SOX6: variants seen among roughly 807,000 people sequenced by gnomAD.
SOX6 encodes the protein SRY-box transcription factor 6, also known as transcription factor SOX-6.
Under a neutral mutation model 97.8 loss-of-function variants are expected in SOX6, and 11 were observed. The observed-to-expected ratio is 0.11, with a 90% confidence interval of 0.07 to 0.19. The LOEUF (loss-of-function observed/expected upper bound fraction) is 0.19, where lower values mean the gene tolerates loss of function less well. Among genes scored for constraint, SOX6 ranks in the 10% least tolerant of loss-of-function variants. The probability of loss-of-function intolerance (pLI) is 1.00; values close to 1 mark genes in which losing one functional copy is unlikely to be tolerated. For synonymous variants in SOX6, 360 were observed against 371.4 expected (o/e 0.97, Z 0.35); for missense variants, 810 against 1,039.5 (o/e 0.78, Z 3.04).
chr11:16,729,234 C>T (rs1848330570), intron 2 of SOX6, among the ~76,000 whole-genome samples: 1 of 152,200 alleles, frequency 6.6e-6, no homozygotes, highest in Admixed American at 6.5e-5. Context: ...GAGAACACCA[C>T]AAAGATACTC....
At chr11:16,317,505 T>C (rs899475145) in intron 3 of SOX6, 2 of 152,188 alleles carry the variant, frequency 1.3e-5, no homozygotes, top group African/African-American at 4.9e-5. Context: ...CATCAAAAAA[T>C]ATATACATTT....
At chr11:16,688,452 A>T (rs1285774421) in intron 3 of SOX6, among the ~76,000 whole-genome samples, 3 of 151,544 alleles carry the variant, frequency 2.0e-5, no homozygotes, top group African/African-American at 7.3e-5. Flanking sequence ...TTCTCTGTTC[A>T]TTTTTTTCTG....
At chr11:16,424,797 G>C (rs1224141379) in intron 1 of SOX6, among the ~76,000 whole-genome samples, 2 of 152,198 alleles carry the variant, frequency 1.3e-5, no homozygotes, top group Admixed American at 6.5e-5. Context: ...GAGATATTTT[G>C]TGTGTCCCAC....
chr11:16,128,165 A>T (rs1849653648), intron 6 of SOX6, among the ~76,000 whole-genome samples: 1 of 152,206 alleles, frequency 6.6e-6, no homozygotes, highest in Non-Finnish European at 1.5e-5. Context: ...ATACTATACA[A>T]ATCTAGCATT....
At chr11:16,718,075 C>G (rs1186098460) in intron 2 of SOX6, among the ~76,000 whole-genome samples, 1 of 151,344 alleles carries the variant, frequency 6.6e-6, no homozygotes, top group Non-Finnish European at 1.5e-5. Context: ...ACATTTGTAG[C>G]CTTTATTTCT....
intron 4 of SOX6, among the ~76,000 whole-genome samples, chr11:16,197,006 G>C (rs1333649123): frequency 1.3e-5 from 2 of 151,632 alleles, no homozygotes; most frequent in African/African-American, 4.8e-5. Context: ...GCTAATTTTT[G>C]TATATTTAGT....
intron 2 of SOX6, among the ~76,000 whole-genome samples, chr11:16,339,664 C>T (rs1856567691): frequency 6.6e-6 from 1 of 152,012 alleles, no homozygotes; most frequent in Non-Finnish European, 1.5e-5. Context: ...AGACTATAAA[C>T]TCCATGAAGG....
intron 3 of SOX6, among the ~76,000 whole-genome samples, chr11:16,631,087 A>C (rs1004973235): frequency 3.9e-5 from 6 of 152,082 alleles, no homozygotes; most frequent in Non-Finnish European, 8.8e-5. Flanking sequence ...ATTTACATTC[A>C]AGGCTAATAT....
chr11:16,363,446 C>A (rs993962057), intron 1 of SOX6, among the ~76,000 whole-genome samples: 11 of 151,942 alleles, frequency 7.2e-5, no homozygotes, highest in Non-Finnish European at 1.3e-4. Context: ...ATTCCAAAAT[C>A]CTCCCAAAAA....
At chr11:16,543,015 CACACACACACACAA>C (rs1451819180) in intron 4 of SOX6, among the ~76,000 whole-genome samples, 5 of 151,064 alleles carry the variant, frequency 3.3e-5, no homozygotes, top group South Asian at 2.1e-4. Flanking sequence ...CATACACTTA[CACACACACACACAA>C]ACACACACAC....
At chr11:16,047,249 C>T (rs549833769) in intron 11 of SOX6, among the ~76,000 whole-genome samples, 18 of 152,118 alleles carry the variant, frequency 1.2e-4, no homozygotes, top group Non-Finnish European at 1.6e-4. Flanking sequence ...AAAGAGGGGG[C>T]GGAAGGAATT....
At position 16,076,947 on chromosome 11, in the gene SOX6, G is replaced by A. The variant is rs1303212164; in HGVS notation, c.1101+19049C>T. Among the ~76,000 whole-genome samples, 7 of 151,490 alleles carry A rather than the reference G, an allele frequency of 4.6e-5. No individual in the cohort carries two copies. The South Asian group carries it at 6.3e-4, about 14-fold the overall frequency. ...TTTTTGTATTTTTAGTAGAGACGGG[G>A]TTTCACCTTGTTAGCCAGGATGGTC... On this transcript the variant is annotated intron_variant, in intron 9 of 15. Transcript: ENST00000683767.
At chr11:16,130,326 G>A (rs1280030457) in intron 6 of SOX6, among the ~76,000 whole-genome samples, 1 of 152,070 alleles carries the variant, frequency 6.6e-6, no homozygotes, top group African/African-American at 2.4e-5. Flanking sequence ...AATTTGCTAA[G>A]AGAGTAGAGT....
At chr11:16,186,979 C>T (rs1331274895) in intron 4 of SOX6, 24 bp from the exon 5 acceptor site, 1 of 1,613,230 alleles carries the variant, frequency 6.2e-7, no homozygotes, top group African/African-American at 1.3e-5. Flanking sequence ...AAGAAGAGAT[C>T]TCACAAGCTT....
rs1163610987 is a variant in SOX6, at chr11:16,610,349, C to A, written n.609+1732G>T. Among the ~76,000 whole-genome samples the A allele has an allele frequency of 6.6e-6, 1 of 152,176 alleles. No individual in the cohort carries two copies. ...AGGCTGGAGCGCGACTGGGTTCCTC[C>A]AATTTGCTGCGACAAGTTTGGCTTT... On this transcript the variant is annotated intron_variant and non_coding_transcript_variant, in intron 4 of 5. Transcript: ENST00000524520. This position sits in a 1 kb window ranked among gnomAD's most constrained non-coding sequence, Gnocchi z 4.4.
chr11:16,259,345 G>C (rs1399104736), intron 3 of SOX6, among the ~76,000 whole-genome samples: 1 of 151,828 alleles, frequency 6.6e-6, no homozygotes. Context: ...ACATTCTTAA[G>C]AAGTAAATTC....
intron 1 of SOX6, among the ~76,000 whole-genome samples, chr11:16,390,107 C>G: frequency 6.6e-6 from 1 of 151,490 alleles, no homozygotes; most frequent in East Asian, 1.9e-4. Flanking sequence ...TGAGATCAAT[C>G]CTGTTCGTGG....
In SOX6 at chr11:15,972,735, G is replaced by A. The variant is rs554151136; in HGVS notation, c.*74C>T. ...TAATTGTGGAGCCACAAATGCATGC[G>A]GGCTCTTTAATAACTCTTTGTTGGG... On this transcript the variant is annotated 3_prime_UTR_variant, in exon 16 of 16. Transcript: ENST00000683767. 24 of 1,487,842 alleles carry A rather than the reference G, an allele frequency of 1.6e-5. No individual in the cohort carries two copies. Among genetic ancestry groups the A allele is most frequent in the East Asian group, 1.1e-4 (5 of 44,062 alleles). 92.2% of individuals were successfully genotyped at this position (1,487,842 alleles called of 1,614,324 possible). A position where few individuals can be genotyped will look rare whatever the true frequency, so the allele number is the denominator to read the frequency against.
intron 3 of SOX6, among the ~76,000 whole-genome samples, chr11:16,255,254 A>T (rs1283394707): frequency 6.6e-6 from 1 of 152,066 alleles, no homozygotes; most frequent in Non-Finnish European, 1.5e-5. Context: ...ACCATCAATC[A>T]ACTAGATGTA....
Sources: allele counts gnomAD v4.1 joint callset (sites outside exome capture counted in the v4.1 genomes callset), GRCh38; gene constraint gnomAD v4.1.1; non-coding constraint Gnocchi (gnomAD v3.1); transcripts MANE v1.5; gene names NCBI Gene and HGNC (gene_info 2026-07-23, HGNC 2026-07-21).